The following LRPAP1 variants were observed in gnomAD, a reference collection of about 807,000 sequenced individuals.
LRPAP1 encodes alpha-2-macroglobulin receptor-associated protein.
In LRPAP1, 41 loss-of-function variants were observed where a neutral mutation model predicts 39.9. That is an observed-to-expected ratio of 1.03 (90% confidence interval 0.80 to 1.33). The LOEUF is 1.33. Among genes scored for constraint, LRPAP1 ranks in the 40% most tolerant of loss-of-function variants. LRPAP1 has a pLI of 0.00. For missense variants in LRPAP1, 565 were observed against 482.3 expected (o/e 1.17, Z -1.61); for synonymous variants, 263 against 212.7 (o/e 1.24, Z -2.06).
rs1180178688 is a variant in LRPAP1 at position 3,518,065 on chromosome 4, C to A, written c.720G>T (p.Arg240Ser). The A allele has an allele frequency of 6.2e-7, 1 of 1,611,910 alleles. No individual in the cohort carries two copies. Among genetic ancestry groups the A allele is most frequent in the African/African-American group, 1.3e-5 (1 of 75,042 alleles). ...SINQGLDRLR[R>S]VSHQGYSTEA... ...CAGTGCTGTAGCCCTGGTGGCTGAC[C>A]CTGCGCAGGCGGTCCAGGCCCTGGT... is the stretch of plus-strand genomic sequence containing the variant. Residue 240 changes from arginine (R) to serine (S), a missense_variant, in exon 5 of 8, where the codon AGG becomes AGT. By Grantham distance (110) the Arg-to-Ser change is moderately radical (BLOSUM62 -1). Coordinates refer to ENST00000650182, the MANE Select transcript of LRPAP1 (RefSeq NM_002337.4).
In LRPAP1 at chr4:3,515,696, C is replaced by A. The variant is rs545843635; in HGVS notation, c.834+420G>T. Among the ~76,000 whole-genome samples, 23 of 152,316 alleles carry A rather than the reference C, an allele frequency of 1.5e-4. No individual in the cohort carries two copies. In the South Asian group the frequency reaches 4.6e-3, roughly 30 times the overall value. On this transcript the variant is annotated intron_variant, in intron 6 of 7. Transcript: ENST00000650182. The stretch of plus-strand genomic sequence containing the variant: ...CCTCAGAATGATCTGGCACTCCACA[C>A]GCCCCAGGAGCCCCTGCCACCTGAG...
chr4:3,518,278 G>T, intron 4 of LRPAP1, 86 bp from the exon 5 acceptor site: 1 of 1,410,640 alleles, frequency 7.1e-7, no homozygotes, highest in South Asian at 1.4e-5. Flanking sequence ...CACTGCTGGG[G>T]AGCTCAAACT....
chr4:3,515,255 C>T (rs987898141), intron 6 of LRPAP1, among the ~76,000 whole-genome samples: 1 of 152,202 alleles, frequency 6.6e-6, no homozygotes, highest in African/African-American at 2.4e-5. Context: ...GCTGCCTCTG[C>T]ACCCTGCCCC....
Position 3,507,269 on chromosome 4 carries a change from G to A in LRPAP1, c.*5705C>T, listed in dbSNP as rs1180504852. The stretch of plus-strand genomic sequence containing the variant: ...GACCCAGTTTTTTAAATAGGCAAAA[G>A]AATTAAGTAGGCCCTTCCCAAAGAC... On this transcript the variant is annotated 3_prime_UTR_variant, in exon 8 of 8. Coordinates refer to ENST00000650182, the MANE Select transcript of LRPAP1 (RefSeq NM_002337.4). 2 of 152,176 alleles carry A rather than the reference G, an allele frequency of 1.3e-5. No individual in the cohort carries two copies. Among genetic ancestry groups the A allele is most frequent in the South Asian group, 2.1e-4 (1 of 4,830 alleles). 9.4% of individuals were successfully genotyped at this position (152,176 alleles called of 1,614,324 possible).
intron 1 of LRPAP1, among the ~76,000 whole-genome samples, chr4:3,531,255 T>TA (rs1461469887): frequency 6.6e-6 from 1 of 152,138 alleles, no homozygotes; most frequent in Admixed American, 6.5e-5. Flanking sequence ...CACGCAGTCT[T>TA]ATAACCGTCT....
chr4:3,513,004 C>A lies in LRPAP1; in HGVS notation c.1044G>T (p.Arg348Ser). ...GTTCGTTGTGCCGAGCTCTGGAGAT[C>A]CTGCCGGACAGGTCCTGCAGATGCT... ...VKKHLQDLSG[R>S]ISRARHNEL Residue 348 changes from arginine (R) to serine (S), a missense_variant, in exon 8 of 8, where the codon AGG becomes AGT. Transcript: ENST00000650182. 1 of 1,612,856 alleles carries A rather than the reference C, an allele frequency of 6.2e-7. No homozygotes were observed.
At position 3,532,373 on chromosome 4, in the gene LRPAP1, G is replaced by A. The variant is rs998790462; in HGVS notation, c.40C>T (p.Pro14Ser). 1.5e-5 allele frequency: 24 copies of A among 1,592,346 alleles called. No individual in the cohort carries two copies. Among genetic ancestry groups the A allele is most frequent in the East Asian group, 2.3e-5 (1 of 43,980 alleles). The change falls in exon 1 of 8, where the codon CCG (proline) becomes TCG (serine). Residue 14 changes from proline (P) to serine (S), a missense_variant. Pro to Ser is a moderately conservative substitution (Grantham distance 74, BLOSUM62 -1). Coordinates refer to ENST00000650182, the MANE Select transcript of LRPAP1 (RefSeq NM_002337.4). ...AAGAGCAGCAGCAGTAGCAGCGCCG[G>A]GAGCCCGCGCAGAAACGACCTGACC... is the stretch of plus-strand genomic sequence containing the variant. ...RRVRSFLRGL[P>S]ALLLLLLFLG...
intron 1 of LRPAP1, among the ~76,000 whole-genome samples, chr4:3,531,444 C>A (rs944768989): frequency 2.0e-5 from 3 of 152,182 alleles, no homozygotes; most frequent in Admixed American, 6.5e-5. Context: ...CCCAGATGGT[C>A]GGCATAGTTC....
At chr4:3,519,127 G>T in intron 3 of LRPAP1, 136 bp from the exon 4 acceptor site, 10 of 1,428,984 alleles carry the variant, frequency 7.0e-6, no homozygotes, top group Non-Finnish European at 9.3e-6. Context: ...GCCTCACGAA[G>T]GGCAGGAAAA....
intron 7 of LRPAP1, among the ~76,000 whole-genome samples, 188 bp downstream of exon 7, chr4:3,514,564 C>T (rs1452461258): frequency 2.0e-5 from 3 of 152,252 alleles, no homozygotes; most frequent in Non-Finnish European, 2.9e-5. Flanking sequence ...GCCCGGGGGG[C>T]TCCCCTAGCA....
intron 6 of LRPAP1, 148 bp from the exon 7 acceptor site, chr4:3,515,076 C>G: frequency 1.2e-6 from 1 of 856,670 alleles, no homozygotes; most frequent in South Asian, 1.6e-5. Context: ...GAGGGGGCGG[C>G]AGCTGGGAGG....
intron 1 of LRPAP1, among the ~76,000 whole-genome samples, chr4:3,529,997 G>A (rs571020405): frequency 6.8e-4 from 104 of 152,288 alleles, no homozygotes; most frequent in Admixed American, 1.7e-3. Context: ...TGAAAAAGCA[G>A]CCCTCACCTC....
At chr4:3,531,379 G>A (rs1429747745) in intron 1 of LRPAP1, among the ~76,000 whole-genome samples, 2 of 149,882 alleles carry the variant, frequency 1.3e-5, no homozygotes. Flanking sequence ...CTTAAAACTG[G>A]ACTATTGAGA....
rs764741568 is a variant in LRPAP1, at chr4:3,532,395, G to C, written c.18C>G (p.Val6=). The C allele has an allele frequency of 5.7e-6, 9 of 1,580,142 alleles. No homozygotes were observed. Among genetic ancestry groups the C allele is most frequent in the Non-Finnish European group, 6.9e-6 (8 of 1,164,206 alleles). Residue 6 remains valine, a synonymous_variant, in exon 1 of 8, where the codon GTC becomes GTG. Transcript: ENST00000650182. ...CCGGGAGCCCGCGCAGAAACGACCTGACCCTCCGCGGCGCCATCTTCCTCT... is the reference window on the plus strand; with the variant it reads ...CCGGGAGCCCGCGCAGAAACGACCTCACCCTCCGCGGCGCCATCTTCCTCT... MAPRR[V]RSFLRGLPAL...
At chr4:3,513,712 G>A (rs1309011973) in intron 7 of LRPAP1, among the ~76,000 whole-genome samples, 1 of 152,178 alleles carries the variant, frequency 6.6e-6, no homozygotes, top group Non-Finnish European at 1.5e-5. Context: ...GGGACCTCCA[G>A]CTCCTCACAT....
chr4:3,513,284 C>T (rs1346804162), intron 7 of LRPAP1, among the ~76,000 whole-genome samples: 1 of 152,200 alleles, frequency 6.6e-6, no homozygotes, highest in African/African-American at 2.4e-5. Flanking sequence ...GTGGAAAGCT[C>T]AGGGTCTCTG....
At chr4:3,527,209 C>T (rs1009288265) in intron 1 of LRPAP1, among the ~76,000 whole-genome samples, 22 of 151,944 alleles carry the variant, frequency 1.4e-4, no homozygotes, top group Middle Eastern at 3.4e-3. Context: ...GTGCCTCTTC[C>T]CCAGCCAGCC....
At chr4:3,518,701 A>G (rs572483618) in intron 4 of LRPAP1, among the ~76,000 whole-genome samples, 170 bp downstream of exon 4, 14 of 151,846 alleles carry the variant, frequency 9.2e-5, no homozygotes, top group African/African-American at 1.9e-4. Context: ...CTCCCCACTC[A>G]CAAGTCCGGT....
chr4:3,506,431 G>A lies in LRPAP1; in HGVS notation c.*6543C>T, dbSNP rs1296201059. The A allele has an allele frequency of 2.7e-5, 4 of 150,192 alleles. No individual in the cohort carries two copies. The highest frequency in any genetic ancestry group is 9.9e-5 in the African/African-American group (4 of 40,572). 9.3% of individuals were successfully genotyped at this position (150,192 alleles called of 1,614,324 possible). On this transcript the variant is annotated 3_prime_UTR_variant, in exon 8 of 8. Transcript: ENST00000650182. The stretch of plus-strand genomic sequence containing the variant: ...TCTTGTCCCCAGGCCGGAGTGCAAT[G>A]GCGCGATCTCGGCTCACTGCAACCT...
Sources: allele counts gnomAD v4.1 joint callset (sites outside exome capture counted in the v4.1 genomes callset), GRCh38; gene constraint gnomAD v4.1.1; transcripts MANE v1.5; gene names NCBI Gene and HGNC (gene_info 2026-07-23, HGNC 2026-07-21).